Variants in YWHAB observed in about 807,000 individuals in gnomAD.
The protein encoded by YWHAB is 14-3-3 protein beta/alpha.
A neutral mutation model predicts 28.5 loss-of-function variants in YWHAB; 2 were observed. The ratio of observed to expected loss-of-function variants is 0.07; its 90% CI spans 0.03 to 0.22. YWHAB has a LOEUF of 0.22. Among genes scored for constraint, YWHAB ranks in the 10% least tolerant of loss-of-function variants. The pLI is 1.00. For missense variants in YWHAB, 148 were observed against 297.1 expected (o/e 0.50, Z 3.69); for synonymous variants, 103 against 104.7 (o/e 0.98, Z 0.10).
intron 1 of YWHAB, among the ~76,000 whole-genome samples, chr20:44,896,920 G>A (rs2066599401): frequency 6.6e-6 from 1 of 152,178 alleles, no homozygotes; most frequent in Non-Finnish European, 1.5e-5. Context: ...AGTTGTTTCT[G>A]TATGTGTATA....
Position 44,893,813 on chromosome 20 carries a change from C to T in YWHAB, c.-3-7718C>T, listed in dbSNP as rs570059989. Among the ~76,000 whole-genome samples the T allele has an allele frequency of 1.7e-4, 25 of 151,042 alleles. No individual in the cohort carries two copies. The South Asian group carries it at 5.3e-3, about 32-fold the overall frequency. ...TCCTGGGTTCAAGTGATTATCCTGC[C>T]TCAGCCTCCCGAGTAGCTGGGATTA... On this transcript the variant is annotated intron_variant, in intron 1 of 5. Coordinates refer to ENST00000353703, the MANE Select transcript of YWHAB (RefSeq NM_139323.4).
intron 4 of YWHAB, chr20:44,905,367 G>A (rs2066650192): frequency 2.6e-6 from 1 of 390,750 alleles, no homozygotes; most frequent in Admixed American, 4.4e-5. Context: ...AAAGTTCCAG[G>A]TGAATGTAGT....
chr20:44,903,161 T>TTAGCACTCAAAGAG, intron 2 of YWHAB: 2 of 925,712 alleles, frequency 2.2e-6, no homozygotes, highest in Non-Finnish European at 2.6e-6. Flanking sequence ...ATTAATAGTA[T>TTAGCACTCAAAGAG]TAGCTACTCT....
intron 1 of YWHAB, among the ~76,000 whole-genome samples, chr20:44,891,811 G>C (rs955125486): frequency 2.0e-5 from 3 of 152,198 alleles, no homozygotes; most frequent in Non-Finnish European, 4.4e-5. Flanking sequence ...ACTGGACTTA[G>C]TGCTAATGAC....
intron 1 of YWHAB, among the ~76,000 whole-genome samples, chr20:44,893,885 CG>C (rs2066579126): frequency 6.6e-6 from 1 of 151,780 alleles, no homozygotes; most frequent in African/African-American, 2.4e-5. Context: ...TTAGTAGAAA[CG>C]GGGTTTCACC....
intron 4 of YWHAB, 66 bp from the exon 5 acceptor site, chr20:44,905,935 A>G (rs2066653282): frequency 2.3e-6 from 3 of 1,301,948 alleles, no homozygotes; most frequent in Non-Finnish European, 3.3e-6. Context: ...ACCTAGCGGG[A>G]AAAAAAGTGG....
intron 1 of YWHAB, among the ~76,000 whole-genome samples, chr20:44,897,861 C>A (rs747656602): frequency 8.5e-5 from 13 of 152,192 alleles, no homozygotes; most frequent in South Asian, 2.1e-4. Context: ...GCAAAAGTTT[C>A]TTTTGTTTTC....
chr20:44,902,943 A>G, intron 2 of YWHAB: 1 of 578,850 alleles, frequency 1.7e-6, no homozygotes, highest in Non-Finnish European at 2.2e-6. Context: ...TCCAAGGGCA[A>G]GAAAGTTCCA....
intron 1 of YWHAB, among the ~76,000 whole-genome samples, chr20:44,897,446 T>C (rs2066602471): frequency 1.3e-5 from 2 of 152,326 alleles, no homozygotes; most frequent in Non-Finnish European, 2.9e-5. Context: ...TTCTGAAGGT[T>C]GTTGGGTCAT....
Position 44,906,567 on chromosome 20 carries a change from C to A in YWHAB, c.*129C>A. The A allele has an allele frequency of 1.3e-6, 1 of 786,936 alleles. No homozygotes were observed. The highest frequency in any genetic ancestry group is 1.9e-6 in the Non-Finnish European group (1 of 532,922). The allele number at this position is 786,936 out of a possible 1,614,324, so 48.7% of individuals were successfully genotyped here. Reference sequence around the variant, plus strand: ...GACTTTCGATTTTTCACAGCCTCAGCCTAGGAAAAATGGTTCATGGGATAA... The same window carrying A: ...GACTTTCGATTTTTCACAGCCTCAGACTAGGAAAAATGGTTCATGGGATAA... On this transcript the variant is annotated 3_prime_UTR_variant, in exon 6 of 6. Coordinates refer to ENST00000353703, the MANE Select transcript of YWHAB (RefSeq NM_139323.4).
chr20:44,896,650 A>G (rs1031953134), intron 1 of YWHAB, among the ~76,000 whole-genome samples: 1 of 152,224 alleles, frequency 6.6e-6, no homozygotes, highest in Non-Finnish European at 1.5e-5. Flanking sequence ...TCTTACAGCA[A>G]AGGCATGGAG....
chr20:44,903,476 GTT>G (rs942427718), intron 2 of YWHAB: 1 of 152,372 alleles, frequency 6.6e-6, no homozygotes, highest in Admixed American at 6.5e-5. Flanking sequence ...AGTAATACCA[GTT>G]TGTGGGTTTA....
At chr20:44,900,411 T>C (rs1290674063) in intron 1 of YWHAB, among the ~76,000 whole-genome samples, 1 of 152,238 alleles carries the variant, frequency 6.6e-6, no homozygotes, top group Non-Finnish European at 1.5e-5. Flanking sequence ...GTAGCAGAGC[T>C]AGTGCTAGAT....
At chr20:44,895,566 T>A (rs2066591043) in intron 1 of YWHAB, among the ~76,000 whole-genome samples, 1 of 152,170 alleles carries the variant, frequency 6.6e-6, no homozygotes. Flanking sequence ...CCTCCTAGCC[T>A]CAAGCGATTC....
intron 1 of YWHAB, among the ~76,000 whole-genome samples, chr20:44,900,396 A>C (rs1005377508): frequency 3.9e-5 from 6 of 152,188 alleles, no homozygotes; most frequent in African/African-American, 1.2e-4. Context: ...GCCACTTGTA[A>C]GTAAGTAGCA....
At chr20:44,901,187 A>C (rs1402411223) in intron 1 of YWHAB, among the ~76,000 whole-genome samples, 2 of 152,172 alleles carry the variant, frequency 1.3e-5, no homozygotes, top group African/African-American at 4.8e-5. Flanking sequence ...TGTGAGCTGG[A>C]GTTCTGGCTC....
chr20:44,896,839 A>G (rs892052570), intron 1 of YWHAB, among the ~76,000 whole-genome samples: 24 of 150,372 alleles, frequency 1.6e-4, no homozygotes, highest in African/African-American at 5.5e-4. Flanking sequence ...TTCAAAATCC[A>G]TGTTATATAA....
In YWHAB at chr20:44,906,754, G is replaced by C; in HGVS notation, c.*316G>C. The C allele has an allele frequency of 1.1e-5, 2 of 188,896 alleles. No individual in the cohort carries two copies. Among genetic ancestry groups the C allele is most frequent in the East Asian group, 2.4e-4 (2 of 8,274 alleles). 11.7% of individuals were successfully genotyped at this position (188,896 alleles called of 1,614,324 possible). ...TTGTAATTTAGCAGAACTCTTACTG[G>C]TAGAAAAAATAGACCTGAATTATGT... On this transcript the variant is annotated 3_prime_UTR_variant, in exon 6 of 6. Transcript: ENST00000353703.
intron 1 of YWHAB, among the ~76,000 whole-genome samples, chr20:44,895,478 T>G (rs755029184): frequency 6.6e-6 from 1 of 152,058 alleles, no homozygotes; most frequent in Non-Finnish European, 1.5e-5. Flanking sequence ...AAGAGTAATT[T>G]TTTGTTTGTT....
Sources: allele counts gnomAD v4.1 joint callset (sites outside exome capture counted in the v4.1 genomes callset), GRCh38; gene constraint gnomAD v4.1.1; transcripts MANE v1.5; gene names NCBI Gene and HGNC (gene_info 2026-07-23, HGNC 2026-07-21).